LYRM4: variants seen among roughly 807,000 people sequenced by gnomAD.
LYRM4 encodes LYR motif-containing protein 4.
LYRM4 carries 9 observed loss-of-function variants against 11.7 expected under a neutral mutation model. That is an observed-to-expected ratio of 0.77 (90% CI 0.46 to 1.34). LYRM4 has a LOEUF of 1.34. Ranked by LOEUF, LYRM4 falls within the 40% of genes most tolerant of loss-of-function variation. The pLI is 0.00. For synonymous variants in LYRM4, 42 were observed against 40.4 expected, an observed-to-expected ratio of 1.04 and a Z score of -0.15; for missense variants, 133 against 112.5, an observed-to-expected ratio of 1.18 and a Z score of -0.82.
Position 5,186,492 on chromosome 6 carries a change from T to C in LYRM4, c.207+30126A>G, listed in dbSNP as rs1356756096. 13 of 902,796 alleles carry C rather than the reference T, an allele frequency of 1.4e-5. No individual in the cohort carries two copies. In the Admixed American group the frequency reaches 6.2e-4, roughly 43 times the overall value. 55.9% of individuals were successfully genotyped at this position (902,796 alleles called of 1,614,324 possible). The stretch of plus-strand genomic sequence containing the variant: ...ATGATACTAGGACAGGAGAAAGTTA[T>C]CATTTTGGAGAAGGTTAAACTGAAC... On this transcript the variant is annotated intron_variant, in intron 2 of 2. Transcript: ENST00000330636.
intron 2 of LYRM4, among the ~76,000 whole-genome samples, chr6:5,142,040 C>T (rs555481940): frequency 6.6e-6 from 1 of 152,188 alleles, no homozygotes; most frequent in East Asian, 1.9e-4. Context: ...GATGCGGGTA[C>T]AGGTGATAAG....
the LYRM4 span, among the ~76,000 whole-genome samples, chr6:5,080,709 T>C: frequency 1.3e-5 from 2 of 152,240 alleles, no homozygotes; most frequent in African/African-American, 4.8e-5. Flanking sequence ...TTGAGAATGC[T>C]ACCTATGGAA....
intron 2 of LYRM4, among the ~76,000 whole-genome samples, chr6:5,118,740 T>G (rs1227043288): frequency 6.6e-6 from 1 of 152,200 alleles, no homozygotes; most frequent in Admixed American, 6.5e-5. Flanking sequence ...TAGGGACACA[T>G]GAATTTATGT....
At chr6:5,159,513 A>G (rs1187153523) in intron 2 of LYRM4, among the ~76,000 whole-genome samples, 1 of 152,156 alleles carries the variant, frequency 6.6e-6, no homozygotes, top group Non-Finnish European at 1.5e-5. Context: ...GCCACTGGTG[A>G]CCCTGCTGAG....
At chr6:5,068,388 A>G in the LYRM4 span, among the ~76,000 whole-genome samples, 1 of 152,160 alleles carries the variant, frequency 6.6e-6, no homozygotes, top group Non-Finnish European at 1.5e-5. The surrounding 1 kb of genome is among the most constrained non-coding windows in gnomAD (Gnocchi z 4.0). Context: ...CCCCACACAG[A>G]GCCATGGGCC....
intron 1 of LYRM4, among the ~76,000 whole-genome samples, chr6:5,236,648 TA>T (rs1445028413): frequency 1.7e-4 from 26 of 151,626 alleles, no homozygotes; most frequent in East Asian, 5.8e-4. Context: ...ATAATCCCTC[TA>T]AAAAAATCTC....
chr6:5,036,041 A>T, the LYRM4 span, among the ~76,000 whole-genome samples: 2 of 126,104 alleles, frequency 1.6e-5, no homozygotes, highest in African/African-American at 5.2e-5. Flanking sequence ...CATTTTACCT[A>T]ACTGAAGTTC....
At chr6:5,092,911 TAA>T in the LYRM4 span, among the ~76,000 whole-genome samples, 516 of 152,280 alleles carry the variant, frequency 3.4e-3, no homozygotes, top group African/African-American at 0.012. Flanking sequence ...GTGCAGAACC[TAA>T]GATTAGTAAG....
chr6:5,081,870 G>C, the LYRM4 span, among the ~76,000 whole-genome samples: 4 of 152,138 alleles, frequency 2.6e-5, no homozygotes, highest in African/African-American at 9.7e-5. Context: ...TAGAGGACTG[G>C]AACTTTTAAC....
At chr6:5,101,563 A>C, downstream of LYRM4, among the ~76,000 whole-genome samples, 1 of 152,174 alleles carries the variant, frequency 6.6e-6, no homozygotes, top group Non-Finnish European at 1.5e-5. Context: ...CAGGGCTGGA[A>C]GATGAAGGAA....
In LYRM4 at chr6:5,251,392, G is replaced by A. The variant is rs573526614; in HGVS notation, c.86+9256C>T. 8.5e-5 allele frequency among the ~76,000 whole-genome samples: 13 copies of A among 152,232 alleles called. No individual in the cohort carries two copies. In the South Asian group the frequency reaches 2.7e-3, roughly 32 times the overall value. ...ATTTATGAAGAAAAGAGGTTTAATT[G>A]GCTCACAGTTCTGCAGGCTGTACAG... is the stretch of plus-strand genomic sequence containing the variant. On this transcript the variant is annotated intron_variant, in intron 1 of 2. Coordinates refer to ENST00000330636, the MANE Select transcript of LYRM4 (RefSeq NM_020408.6).
At chr6:5,133,473 C>T (rs1266701688) in intron 2 of LYRM4, among the ~76,000 whole-genome samples, 1 of 152,190 alleles carries the variant, frequency 6.6e-6, no homozygotes, top group Non-Finnish European at 1.5e-5. Context: ...CAGCCTCTGT[C>T]AATGATTCCA....
Position 5,108,997 on chromosome 6 carries a change from C to T in LYRM4, c.*426G>A. The T allele has an allele frequency of 3.0e-6, 3 of 1,002,792 alleles. No individual in the cohort carries two copies. Among genetic ancestry groups the T allele is most frequent in the Non-Finnish European group, 3.6e-6 (3 of 839,234 alleles). The allele number at this position is 1,002,792 out of a possible 1,614,324, so 62.1% of individuals were successfully genotyped here. A position where few individuals can be genotyped will look rare whatever the true frequency, so the allele number is the denominator to read the frequency against. On this transcript the variant is annotated 3_prime_UTR_variant, in exon 3 of 3. Coordinates refer to ENST00000330636, the MANE Select transcript of LYRM4 (RefSeq NM_020408.6). ...TTGAACCCTCCCTGAGGGCCCCCAA[C>T]AGCCCTCTCCAGGCCTTGTATCAGT...
chr6:5,066,658 G>C, the LYRM4 span: 2 of 1,151,664 alleles, frequency 1.7e-6, no homozygotes, highest in Non-Finnish European at 2.6e-6. Context: ...GCCTGAGTCA[G>C]GATTCCAGGA....
chr6:5,201,182 G>C (rs904499975), intron 2 of LYRM4, among the ~76,000 whole-genome samples: 1 of 152,020 alleles, frequency 6.6e-6, no homozygotes. Flanking sequence ...TATCTGATAT[G>C]GAATGTATCA....
At chr6:5,047,056 C>T in the LYRM4 span, among the ~76,000 whole-genome samples, 2 of 152,134 alleles carry the variant, frequency 1.3e-5, no homozygotes, top group Non-Finnish European at 2.9e-5. Context: ...CATGCCACTG[C>T]ACTCCAGTCT....
rs540611555 is a variant in LYRM4 at position 5,117,338 on chromosome 6, C to T, written c.208-7847G>A. ...TTAAGAGCCCGAGGTGGGTGGATCA[C>T]GAGGTCAAGAGATTGAGACCATCCT... On this transcript the variant is annotated intron_variant, in intron 2 of 2. Transcript: ENST00000330636. Among the ~76,000 whole-genome samples, 6 of 152,268 alleles carry T rather than the reference C, an allele frequency of 3.9e-5. No individual in the cohort carries two copies. The East Asian group carries it at 9.7e-4, about 25-fold the overall frequency.
chr6:5,253,854 G>A lies in LYRM4; in HGVS notation c.86+6794C>T, dbSNP rs114023613. ...TGAGCAAAAAAAAAAAAAAACCATC[G>A]TTTTGAAGTGTTGTCTTCTCTTATT... On this transcript the variant is annotated intron_variant, in intron 1 of 2. Coordinates refer to ENST00000330636, the MANE Select transcript of LYRM4 (RefSeq NM_020408.6). 6.6e-3 allele frequency among the ~76,000 whole-genome samples: 989 copies of A among 149,626 alleles called. 13 individuals are homozygous for A. The highest frequency in any genetic ancestry group is 0.023 in the African/African-American group (941 of 40,622).
chr6:5,235,149 G>GT (rs1763466508), intron 1 of LYRM4, among the ~76,000 whole-genome samples: 1 of 151,682 alleles, frequency 6.6e-6, no homozygotes, highest in South Asian at 2.1e-4. Context: ...CTGTTGAATT[G>GT]TAATTTTTTT....
Sources: gnomAD v4.1 joint callset for allele counts (sites outside exome capture counted in the v4.1 genomes callset) on GRCh38, gnomAD v4.1.1 for gene constraint, Gnocchi (gnomAD v3.1) non-coding constraint, MANE v1.5 for transcripts, NCBI Gene and HGNC (gene_info 2026-07-23, HGNC 2026-07-21) for gene names.